The following EIF5B variants were observed in gnomAD, a reference collection of about 807,000 sequenced individuals.
EIF5B encodes eukaryotic translation initiation factor 5B.
EIF5B carries 47 observed loss-of-function variants against 147.5 expected under a neutral mutation model. That is an observed-to-expected ratio of 0.32 (90% confidence interval 0.25 to 0.41). The LOEUF (loss-of-function observed/expected upper bound fraction) is 0.41, where lower values mean the gene tolerates loss of function less well. Ranked by LOEUF, EIF5B falls within the 10% of genes least tolerant of loss-of-function variation. The pLI is 1.00. For missense variants in EIF5B, 1,064 were observed against 1,413.2 expected (o/e 0.75, Z 3.96); for synonymous variants, 455 against 456.2 (o/e 1.00, Z 0.03).
intron 12 of EIF5B, among the ~76,000 whole-genome samples, chr2:99,381,824 G>T (rs1674695580): frequency 6.6e-6 from 1 of 152,080 alleles, no homozygotes; most frequent in African/African-American, 2.4e-5. Flanking sequence ...ACCACCTCTT[G>T]CATGTCAGAT....
intron 3 of EIF5B, 29 bp downstream of exon 3, chr2:99,360,578 G>T: frequency 1.3e-6 from 2 of 1,595,392 alleles, no homozygotes; most frequent in Non-Finnish European, 1.7e-6. Flanking sequence ...TTACCTATTC[G>T]TATTTCGTAT....
chr2:99,375,127 G>C (rs1352455332), intron 9 of EIF5B, among the ~76,000 whole-genome samples: 2 of 152,092 alleles, frequency 1.3e-5, no homozygotes, highest in Non-Finnish European at 2.9e-5. Flanking sequence ...CTGAATGTTA[G>C]AAGCACAGCC....
Position 99,337,585 on chromosome 2 carries a change from G to A in EIF5B, c.31G>A (p.Asp11Asn), listed in dbSNP as rs758370409. The A allele has an allele frequency of 4.3e-6, 7 of 1,612,910 alleles. No homozygotes were observed. Among genetic ancestry groups the A allele is most frequent in the African/African-American group, 1.3e-5 (1 of 74,892 alleles). Reference sequence around the variant, plus strand: ...GAAGAAACAGAAAAACAAGAGCGAAGACAGGTAGATAGGGGTTGGGTCCGT... The same window carrying A: ...GAAGAAACAGAAAAACAAGAGCGAAAACAGGTAGATAGGGGTTGGGTCCGT... Reference protein sequence around the residue: MGKKQKNKSEDSTKDDIDLDA... With the variant: MGKKQKNKSENSTKDDIDLDA... The change falls in exon 1 of 24, where the codon GAC (aspartate) becomes AAC (asparagine). Residue 11 changes from aspartate (D) to asparagine (N), a missense_variant. Asp to Asn is a conservative substitution (Grantham distance 23, BLOSUM62 1). Coordinates refer to ENST00000289371, the MANE Select transcript of EIF5B (RefSeq NM_015904.4).
intron 4 of EIF5B, 77 bp from the exon 5 acceptor site, chr2:99,363,567 TG>T: frequency 7.1e-7 from 1 of 1,417,540 alleles, no homozygotes; most frequent in South Asian, 1.4e-5. Context: ...GTCCTTGAAT[TG>T]TGGTTGGGTT....
intron 12 of EIF5B, among the ~76,000 whole-genome samples, chr2:99,379,916 GC>G (rs1674654391): frequency 6.6e-6 from 1 of 152,120 alleles, no homozygotes; most frequent in South Asian, 2.1e-4. Flanking sequence ...CCTTTGTTGA[GC>G]AATATAACCT....
At chr2:99,390,102 T>G in intron 15 of EIF5B, 117 bp from the exon 16 acceptor site, 1 of 1,208,070 alleles carries the variant, frequency 8.3e-7, no homozygotes, top group African/African-American at 1.5e-5. Flanking sequence ...TCATTTTTAG[T>G]GTTTATGAGG....
At chr2:99,371,105 A>C (rs1428210797) in intron 8 of EIF5B, 1 of 152,236 alleles carries the variant, frequency 6.6e-6, no homozygotes, top group Non-Finnish European at 1.5e-5. Context: ...ATTAGCTTGA[A>C]TGTAAAATTG....
rs375355718 is a variant in EIF5B, at chr2:99,390,405, A to C, written c.2586+4A>C. ...GCTGAGAGCACAGGTGATGGAGGTA[A>C]TGATCAACTTTTCAGTTTATTGTTT... is the stretch of plus-strand genomic sequence containing the variant. On this transcript the variant is annotated splice_donor_region_variant and intron_variant, in intron 16 of 23. Coordinates refer to ENST00000289371, the MANE Select transcript of EIF5B (RefSeq NM_015904.4). The C allele has an allele frequency of 6.3e-7, 1 of 1,595,758 alleles. No individual in the cohort carries two copies. Among genetic ancestry groups the C allele is most frequent in the Non-Finnish European group, 8.5e-7 (1 of 1,174,384 alleles).
Position 99,390,317 on chromosome 2 carries a change from G to C in EIF5B, c.2502G>C (p.Leu834=), listed in dbSNP as rs1168361436. 5 of 1,613,956 alleles carry C rather than the reference G, an allele frequency of 3.1e-6. No homozygotes were observed. The highest frequency in any genetic ancestry group is 2.7e-5 in the African/African-American group (2 of 74,888). ...ATACTGGTGATGGCATGGGAAGTCT[G>C]ATCTACCTTCTTGTAGAGTTAACTC... ...SAHTGDGMGS[L]IYLLVELTQT... is the part of the protein sequence containing the mutation. Residue 834 remains leucine, a synonymous_variant, in exon 16 of 24, where the codon CTG becomes CTC. Transcript: ENST00000289371.
At chr2:99,346,020 A>AT (rs1318791900) in intron 1 of EIF5B, among the ~76,000 whole-genome samples, 1 of 152,188 alleles carries the variant, frequency 6.6e-6, no homozygotes, top group African/African-American at 2.4e-5. Context: ...ACGTTTTAAC[A>AT]TAGCAAATAG....
Position 99,364,501 on chromosome 2 carries a change from T to C in EIF5B, c.1288+80T>C, listed in dbSNP as rs568829674. 166 of 1,359,258 alleles carry C rather than the reference T, an allele frequency of 1.2e-4. 2 individuals are homozygous for C. The South Asian group carries it at 1.5e-3, about 12-fold the overall frequency. 84.2% of individuals were successfully genotyped at this position (1,359,258 alleles called of 1,614,324 possible). ...TATCCCTTAATGTTCAGAAGGAGAATGGAATTTGCATCAGGACAGTTCCTA... is the reference window on the plus strand; with the variant it reads ...TATCCCTTAATGTTCAGAAGGAGAACGGAATTTGCATCAGGACAGTTCCTA... On this transcript the variant is annotated intron_variant, in intron 6 of 23. Transcript: ENST00000289371.
At chr2:99,338,962 A>G (rs1455597403) in intron 1 of EIF5B, among the ~76,000 whole-genome samples, 2 of 112,050 alleles carry the variant, frequency 1.8e-5, no homozygotes, top group Non-Finnish European at 4.1e-5. Flanking sequence ...ACACATATAT[A>G]TAAATATATA....
rs770493783 is a variant in EIF5B, at chr2:99,384,196, C to CAAAAAAAA, written c.2271+1279_2271+1286dup. 4.2e-4 allele frequency among the ~76,000 whole-genome samples: 49 copies of CAAAAAAAA among 117,442 alleles called. 7 individuals are homozygous for CAAAAAAAA. The highest frequency in any genetic ancestry group is 3.1e-4 in the Non-Finnish European group (18 of 58,726). 77.0% of individuals were successfully genotyped at this position (117,442 alleles called of 152,430 possible). ...TGGGTGACAGAGCGAGACTCCGTCT[C>CAAAAAAAA]AAAAAAAAAAAGAATTATGCCAAAT... On this transcript the variant is annotated intron_variant, in intron 14 of 23. Transcript: ENST00000289371.
chr2:99,339,067 G>C (rs966754619), intron 1 of EIF5B, among the ~76,000 whole-genome samples: 3 of 146,182 alleles, frequency 2.1e-5, no homozygotes, highest in African/African-American at 7.6e-5. Flanking sequence ...AGAAACTTAG[G>C]GCAATGGCGC....
intron 9 of EIF5B, among the ~76,000 whole-genome samples, chr2:99,373,261 C>T (rs767614892): frequency 3.3e-5 from 5 of 152,170 alleles, no homozygotes; most frequent in Admixed American, 6.5e-5. Context: ...ACCACAGACT[C>T]AGTAGTACTA....
chr2:99,357,870 A>G (rs548924532), intron 1 of EIF5B, among the ~76,000 whole-genome samples: 129 of 152,234 alleles, frequency 8.5e-4, no homozygotes, highest in African/African-American at 3.1e-3. Context: ...ACTCCTTTCT[A>G]TATTCATCCT....
rs893488536 is a variant in EIF5B at position 99,337,474 on chromosome 2, G to A, written c.-81G>A. The A allele has an allele frequency of 3.2e-6, 5 of 1,555,252 alleles. No individual in the cohort carries two copies. The African/African-American group carries it at 5.5e-5, about 17-fold the overall frequency. ...AGCACGAGGGGAAAAGAGCTGAGCGGAGACCAAAGTCAGCCGGGAGACAGT... is the reference window on the plus strand; with the variant it reads ...AGCACGAGGGGAAAAGAGCTGAGCGAAGACCAAAGTCAGCCGGGAGACAGT... On this transcript the variant is annotated 5_prime_UTR_variant, in exon 1 of 24. Coordinates refer to ENST00000289371, the MANE Select transcript of EIF5B (RefSeq NM_015904.4).
In EIF5B at chr2:99,382,245, T is replaced by G; in HGVS notation, c.2129+19T>G. The stretch of plus-strand genomic sequence containing the variant: ...CTTTCAGGTAAGAGCAATTTGAGTC[T>G]TTTCTCATCAAGCAATCTACTTGAA... On this transcript the variant is annotated intron_variant, in intron 13 of 23. Coordinates refer to ENST00000289371, the MANE Select transcript of EIF5B (RefSeq NM_015904.4). 2 of 1,606,978 alleles carry G rather than the reference T, an allele frequency of 1.2e-6. No homozygotes were observed. Among genetic ancestry groups the G allele is most frequent in the Non-Finnish European group, 1.7e-6 (2 of 1,174,418 alleles).
intron 9 of EIF5B, among the ~76,000 whole-genome samples, chr2:99,375,865 G>A (rs1250319832): frequency 6.6e-6 from 1 of 152,090 alleles, no homozygotes; most frequent in Non-Finnish European, 1.5e-5. Context: ...GCACCACTAC[G>A]TGACGCTCAA....
Sources: gnomAD v4.1 joint callset for allele counts (sites outside exome capture counted in the v4.1 genomes callset) on GRCh38, gnomAD v4.1.1 for gene constraint, MANE v1.5 for transcripts, NCBI Gene and HGNC (gene_info 2026-07-23, HGNC 2026-07-21) for gene names.